Variants in PHF19 observed in about 807,000 individuals in gnomAD.
PHF19 encodes the protein polycomb like 3.
In PHF19, 21 loss-of-function variants were observed where a neutral mutation model predicts 79.8. The observed-to-expected ratio is 0.26, with a 90% CI of 0.19 to 0.38. The LOEUF is 0.38. Among genes scored for constraint, PHF19 ranks in the 10% least tolerant of loss-of-function variants. The pLI is 1.00. For synonymous variants in PHF19, 273 were observed against 296.3 expected (o/e 0.92, Z 0.81); for missense variants, 445 against 744.2 (o/e 0.60, Z 4.68).
At chr9:120,899,908 C>T in the PHF19 span, among the ~76,000 whole-genome samples, 1 of 152,220 alleles carries the variant, frequency 6.6e-6, no homozygotes, top group Non-Finnish European at 1.5e-5. Flanking sequence ...CATCTAAAAA[C>T]AGTTGTGATC....
chr9:120,881,703 T>G (rs2046187939), upstream of PHF19, among the ~76,000 whole-genome samples: 2 of 152,152 alleles, frequency 1.3e-5, no homozygotes, highest in African/African-American at 4.8e-5. Context: ...TTGTTAGGTG[T>G]CCAGGGTGGT....
chr9:120,864,662 G>A (rs1444418275), intron 9 of PHF19, among the ~76,000 whole-genome samples: 1 of 152,162 alleles, frequency 6.6e-6, no homozygotes, highest in African/African-American at 2.4e-5. Context: ...CAGCCTGGGC[G>A]ACAGAGGGAG....
At chr9:120,884,530 T>C (rs938149409) in intron 1 of PHF19, among the ~76,000 whole-genome samples, 30 of 152,278 alleles carry the variant, frequency 2.0e-4, no homozygotes, top group African/African-American at 6.7e-4. Context: ...AATAAGAAGA[T>C]AGTGGATACA....
chr9:120,877,571 G>T (rs1474220479), upstream of PHF19, among the ~76,000 whole-genome samples: 1 of 152,086 alleles, frequency 6.6e-6, no homozygotes, highest in Non-Finnish European at 1.5e-5. Context: ...ACGACCGCTC[G>T]CACACTTGTT....
At chr9:120,889,536 T>G (rs2046312404) in intron 1 of PHF19, among the ~76,000 whole-genome samples, 1 of 149,442 alleles carries the variant, frequency 6.7e-6, no homozygotes, top group South Asian at 2.1e-4. Flanking sequence ...AGCCTGGGAG[T>G]TCAAGGCCAG....
intron 1 of PHF19, among the ~76,000 whole-genome samples, chr9:120,890,975 C>G (rs2046335182): frequency 6.6e-6 from 1 of 152,190 alleles, no homozygotes; most frequent in Admixed American, 6.5e-5. Flanking sequence ...CCAGGTGCGA[C>G]AAACAACCTT....
At chr9:120,894,709 G>C (rs889764211) in intron 1 of PHF19, 3 of 598,050 alleles carry the variant, frequency 5.0e-6, no homozygotes, top group Admixed American at 4.7e-5. Flanking sequence ...ATATGGCGGC[G>C]GCGCGGGCCC....
chr9:120,896,437 C>CTTTTTTTT (rs58824573), upstream of PHF19, among the ~76,000 whole-genome samples: 1 of 124,040 alleles, frequency 8.1e-6, no homozygotes, highest in Non-Finnish European at 1.6e-5. Context: ...TTGTATGGTT[C>CTTTTTTTT]TTTTTTTTTT....
At position 120,877,096 on chromosome 9, in the gene PHF19, G is replaced by A. The variant is rs1013149338; in HGVS notation, c.-21C>T. The A allele has an allele frequency of 1.0e-6, 1 of 985,212 alleles. No homozygotes were observed. The highest frequency in any genetic ancestry group is 1.7e-5 in the African/African-American group (1 of 57,232). 61.0% of individuals were successfully genotyped at this position (985,212 alleles called of 1,614,324 possible). ...CCCAACAGCGCAGAACTCACCGCGA[G>A]GCTGCGTGTCCGCCGGTCCCACTTG... is the stretch of plus-strand genomic sequence containing the variant. On this transcript the variant is annotated 5_prime_UTR_variant, in exon 1 of 15. Coordinates refer to ENST00000373896, the MANE Select transcript of PHF19 (RefSeq NM_015651.3).
the PHF19 span, chr9:120,903,965 G>T: frequency 6.6e-6 from 1 of 152,216 alleles, no homozygotes; most frequent in East Asian, 1.9e-4. Context: ...GGAAAACTTC[G>T]AAAGAGATTC....
At chr9:120,894,241 T>C (rs1272767038) in intron 1 of PHF19, among the ~76,000 whole-genome samples, 2 of 151,802 alleles carry the variant, frequency 1.3e-5, no homozygotes, top group African/African-American at 4.8e-5. Flanking sequence ...CTTTGGAGGG[T>C]CAGCTACCGC....
chr9:120,873,567 A>G (rs1236948975), intron 3 of PHF19, among the ~76,000 whole-genome samples: 1 of 152,258 alleles, frequency 6.6e-6, no homozygotes, highest in African/African-American at 2.4e-5. Flanking sequence ...ATGTTAAATC[A>G]GGGACACTGT....
In PHF19 at chr9:120,885,660, C is replaced by T. The variant is rs1193362634; in HGVS notation, c.42+9128G>A. 3.3e-5 allele frequency among the ~76,000 whole-genome samples: 5 copies of T among 152,010 alleles called. No individual in the cohort carries two copies. In the East Asian group the frequency reaches 9.6e-4, roughly 29 times the overall value. ...ACGCATTCAAGATGAAGTAGTAAAT[C>T]AGCACATGAGCCATAAGTGGGTCCA... is the stretch of plus-strand genomic sequence containing the variant. On this transcript the variant is annotated intron_variant, in intron 1 of 14. Transcript: ENST00000616568.
At chr9:120,861,829 G>A in intron 12 of PHF19, 89 bp downstream of exon 12, 1 of 887,658 alleles carries the variant, frequency 1.1e-6, no homozygotes, top group South Asian at 1.3e-5. Context: ...AGTCCTCTGG[G>A]CCTGGGGGAC....
In PHF19 at chr9:120,870,840, G is replaced by A. The variant is rs751737235; in HGVS notation, c.269-302C>T. On this transcript the variant is annotated intron_variant, in intron 3 of 14. Transcript: ENST00000373896. This position sits in a 1 kb window ranked among gnomAD's most constrained non-coding sequence, Gnocchi z 4.4. ...TTTGACACATCATGCTGCCTCTCCC[G>A]CCTTATTTAACTTGTTTTGTTAAAT... 5.3e-5 allele frequency among the ~76,000 whole-genome samples: 8 copies of A among 152,118 alleles called. No homozygotes were observed. The highest frequency in any genetic ancestry group is 7.3e-5 in the Non-Finnish European group (5 of 68,028).
chr9:120,874,857 G>T lies in PHF19; in HGVS notation c.-15-101C>A. On this transcript the variant is annotated intron_variant, in intron 1 of 14. Transcript: ENST00000373896. This position sits in a 1 kb window ranked among gnomAD's most constrained non-coding sequence, Gnocchi z 4.5. ...ACCATTTCTGTACCCTGTGCTATAA[G>T]CCAGACTTGGTTATTATCTCACTGA... 2.9e-6 allele frequency: 2 copies of T among 690,644 alleles called. No individual in the cohort carries two copies. Among genetic ancestry groups the T allele is most frequent in the Non-Finnish European group, 5.0e-6 (2 of 403,582 alleles). 42.8% of individuals were successfully genotyped at this position (690,644 alleles called of 1,614,324 possible).
upstream of PHF19, among the ~76,000 whole-genome samples, chr9:120,897,978 CAAAAAAA>C (rs577932181): frequency 7.0e-5 from 7 of 99,672 alleles, no homozygotes; most frequent in East Asian, 5.7e-4. Flanking sequence ...GACCCCGTCT[CAAAAAAA>C]AAAAAAAAAA....
chr9:120,868,847 C>T (rs1309194092), intron 6 of PHF19: 2 of 1,076,192 alleles, frequency 1.9e-6, no homozygotes, highest in Non-Finnish European at 1.1e-6. Flanking sequence ...ACCCGCCAGG[C>T]CCGCCTCCCG....
At chr9:120,863,658 C>T (rs10985063) in intron 10 of PHF19, among the ~76,000 whole-genome samples, 9,937 of 152,198 alleles carry the variant, frequency 0.065, 397 homozygotes, top group Admixed American at 0.078. Flanking sequence ...GGGACATGGC[C>T]AGCTGTGTGT....
Sources: allele counts gnomAD v4.1 joint callset (sites outside exome capture counted in the v4.1 genomes callset), GRCh38; gene constraint gnomAD v4.1.1; non-coding constraint Gnocchi (gnomAD v3.1); transcripts MANE v1.5; gene names NCBI Gene and HGNC (gene_info 2026-07-23, HGNC 2026-07-21).